TMEM175: variants seen among roughly 807,000 people sequenced by gnomAD.
The protein encoded by TMEM175 is transmembrane protein 175.
A neutral mutation model predicts 36.5 loss-of-function variants in TMEM175; 36 were observed. That is an observed-to-expected ratio of 0.99 (90% confidence interval 0.76 to 1.30). TMEM175 has a LOEUF of 1.30. Among genes scored for constraint, TMEM175 ranks in the 50% most tolerant of loss-of-function variants. TMEM175 has a pLI of 0.00. For synonymous variants in TMEM175, 339 were observed against 313.4 expected, an observed-to-expected ratio of 1.08 and a Z score of -0.86; for missense variants, 705 against 692.8, an observed-to-expected ratio of 1.02 and a Z score of -0.20.
intron 10 of TMEM175, chr4:956,631 A>G (rs1254766508): frequency 2.7e-5 from 12 of 450,282 alleles, no homozygotes; most frequent in Non-Finnish European, 4.5e-5. Context: ...TTTAATAGAG[A>G]TGAGGTTTCA....
chr4:936,779 C>T (rs1277039728), intron 1 of TMEM175, among the ~76,000 whole-genome samples: 1 of 152,074 alleles, frequency 6.6e-6, no homozygotes, highest in East Asian at 1.9e-4. Flanking sequence ...CATGGTGAAA[C>T]CCCATCTCTA....
chr4:956,833 G>C (rs1328388012), intron 10 of TMEM175: 2 of 235,464 alleles, frequency 8.5e-6, no homozygotes, highest in African/African-American at 4.7e-5. Context: ...GACCACCTTG[G>C]GGTTAGACAC....
intron 6 of TMEM175, 31 bp downstream of exon 6, chr4:951,748 G>A (rs1335541380): frequency 6.2e-7 from 1 of 1,609,980 alleles, no homozygotes; most frequent in Admixed American, 1.7e-5. Context: ...GACACCCTGA[G>A]GCTTTGCTGG....
At chr4:943,912 G>C (rs1354856359) in intron 1 of TMEM175, among the ~76,000 whole-genome samples, 1 of 152,176 alleles carries the variant, frequency 6.6e-6, no homozygotes, top group Non-Finnish European at 1.5e-5. Context: ...GTGTGTTACT[G>C]ATACTCCCAG....
chr4:938,376 C>T (rs911352202), intron 1 of TMEM175, among the ~76,000 whole-genome samples: 4 of 152,046 alleles, frequency 2.6e-5, no homozygotes, highest in African/African-American at 7.2e-5. Flanking sequence ...TGGTGGCGGG[C>T]GCCTGTAATC....
chr4:947,615 C>G (rs1035265287), intron 1 of TMEM175, 94 bp from the exon 2 acceptor site: 6 of 945,782 alleles, frequency 6.3e-6, no homozygotes, highest in Admixed American at 2.7e-5. Flanking sequence ...AGCCCCCCCC[C>G]ATACCAGTCC....
At chr4:954,588 C>T (rs1560496792) in intron 8 of TMEM175, among the ~76,000 whole-genome samples, 1 of 152,162 alleles carries the variant, frequency 6.6e-6, no homozygotes, top group Non-Finnish European at 1.5e-5. Flanking sequence ...TGGAGTGATG[C>T]CTCTCTGAGC....
At chr4:951,061 C>T in intron 4 of TMEM175, 146 bp from the exon 5 acceptor site, 2 of 816,216 alleles carry the variant, frequency 2.5e-6, no homozygotes, top group South Asian at 3.3e-5. Flanking sequence ...GTTTTCCAAA[C>T]TCCGTGCACT....
chr4:955,604 C>T, intron 9 of TMEM175, 121 bp downstream of exon 9: 1 of 1,433,532 alleles, frequency 7.0e-7, no homozygotes, highest in Non-Finnish European at 9.5e-7. Flanking sequence ...GGCTGGGGCT[C>T]CCCCACTCCG....
At chr4:955,591 G>A (rs563263792) in intron 9 of TMEM175, 108 bp downstream of exon 9, 8 of 1,440,842 alleles carry the variant, frequency 5.6e-6, no homozygotes, top group African/African-American at 1.4e-5. Context: ...TGTGCGTGGT[G>A]GTGGCTGGGG....
At chr4:952,807 T>C (rs1346834540) in intron 7 of TMEM175, among the ~76,000 whole-genome samples, 1 of 151,364 alleles carries the variant, frequency 6.6e-6, no homozygotes, top group Non-Finnish European at 1.5e-5. Flanking sequence ...GAGTGATCGA[T>C]TGCCGTCAGG....
At chr4:953,071 G>A (rs1490854955) in intron 7 of TMEM175, 119 bp from the exon 8 acceptor site, 4 of 1,108,976 alleles carry the variant, frequency 3.6e-6, no homozygotes, top group African/African-American at 1.6e-5. Flanking sequence ...GCAGCCCGGG[G>A]CCAGGTCCTC....
chr4:956,213 C>A, intron 10 of TMEM175: 4 of 937,930 alleles, frequency 4.3e-6, no homozygotes, highest in Non-Finnish European at 5.8e-6. Flanking sequence ...CCATGGGTAT[C>A]CCCCTGCCCC....
rs531935339 is a variant in TMEM175, at chr4:934,162, G to A, written c.-32+1622G>A. ...GTGGAATAGAAGGATAGAGAGCTCA[G>A]GAAAGAATCCCTGCTAGAGACAGAT... On this transcript the variant is annotated intron_variant, in intron 1 of 10. Coordinates refer to ENST00000264771, the MANE Select transcript of TMEM175 (RefSeq NM_032326.4). Among the ~76,000 whole-genome samples, 3 of 152,362 alleles carry A rather than the reference G, an allele frequency of 2.0e-5. No individual in the cohort carries two copies. In the East Asian group the frequency reaches 5.8e-4, roughly 29 times the overall value.
In TMEM175 at chr4:952,531, G is replaced by C. The variant is rs1729051545; in HGVS notation, c.462+81G>C. On this transcript the variant is annotated intron_variant, in intron 7 of 10. Transcript: ENST00000264771. ...GTGTGTGTGTGTGATCACCATCGGGGTCGTGCAGGTAGGGGGCCCAGGGGG... is the reference window on the plus strand; with the variant it reads ...GTGTGTGTGTGTGATCACCATCGGGCTCGTGCAGGTAGGGGGCCCAGGGGG... 4 of 1,390,992 alleles carry C rather than the reference G, an allele frequency of 2.9e-6. No individual in the cohort carries two copies. In the East Asian group the frequency reaches 7.3e-5, roughly 25 times the overall value. The allele number at this position is 1,390,992 out of a possible 1,614,324, so 86.2% of individuals were successfully genotyped here. A position where few individuals can be genotyped will look rare whatever the true frequency, so the allele number is the denominator to read the frequency against.
At position 952,406 on chromosome 4, in the gene TMEM175, ATCT is replaced by A. The variant is rs767074672; in HGVS notation, c.423_425del (p.Phe141del). 1.9e-6 allele frequency: 3 copies of A among 1,611,048 alleles called. No individual in the cohort carries two copies. The highest frequency in any genetic ancestry group is 1.1e-5 in the South Asian group (1 of 91,034). On this transcript the variant is annotated inframe_deletion, in exon 7 of 11. Coordinates refer to ENST00000264771, the MANE Select transcript of TMEM175 (RefSeq NM_032326.4). Reference sequence around the variant, plus strand: ...GACCTTCCCTGATGTGCCTCTGGGCATCTTCTTGTTCTGTGTGTGTGTGATCGC... The same window carrying A: ...GACCTTCCCTGATGTGCCTCTGGGCATCTTGTTCTGTGTGTGTGTGATCGC...
chr4:955,270 G>T lies in TMEM175; in HGVS notation c.628-135G>T. ...AATCCTTTACACTTTTTGGGTACTA[G>T]GCCCCATCAGATACATGATCTGCAA... On this transcript the variant is annotated intron_variant, in intron 8 of 10. Transcript: ENST00000264771. 4.5e-6 allele frequency: 3 copies of T among 661,866 alleles called. No homozygotes were observed. In the South Asian group the frequency reaches 5.3e-5, roughly 12 times the overall value. 41.0% of individuals were successfully genotyped at this position (661,866 alleles called of 1,614,324 possible). A position where few individuals can be genotyped will look rare whatever the true frequency, so the allele number is the denominator to read the frequency against.
intron 5 of TMEM175, 96 bp downstream of exon 5, chr4:951,354 C>T: frequency 1.4e-6 from 2 of 1,387,396 alleles, no homozygotes; most frequent in Non-Finnish European, 2.0e-6. Flanking sequence ...CTCTCGTGAC[C>T]TCCAGGGAGT....
chr4:940,395 C>T lies in TMEM175; in HGVS notation c.-31-7314C>T, dbSNP rs1448405012. Among the ~76,000 whole-genome samples, 4 of 148,034 alleles carry T rather than the reference C, an allele frequency of 2.7e-5. No homozygotes were observed. The Admixed American group carries it at 2.7e-4, about 10-fold the overall frequency. On this transcript the variant is annotated intron_variant, in intron 1 of 10. Coordinates refer to ENST00000264771, the MANE Select transcript of TMEM175 (RefSeq NM_032326.4). ...CCTGGGAGCTGGAGGTTGCAGTGAGCCGAGATTGCACCATTGCACTCCAGC... is the reference window on the plus strand; with the variant it reads ...CCTGGGAGCTGGAGGTTGCAGTGAGTCGAGATTGCACCATTGCACTCCAGC...
Sources: gnomAD v4.1 joint callset for allele counts (sites outside exome capture counted in the v4.1 genomes callset) on GRCh38, gnomAD v4.1.1 for gene constraint, MANE v1.5 for transcripts, NCBI Gene and HGNC (gene_info 2026-07-23, HGNC 2026-07-21) for gene names.